The following EBF1 variants were observed in gnomAD, a reference collection of about 807,000 sequenced individuals.
EBF1 encodes EBF transcription factor 1.
A neutral mutation model predicts 68.4 loss-of-function variants in EBF1; 10 were observed. The observed-to-expected ratio is 0.15, with a 90% CI of 0.09 to 0.25. The LOEUF (loss-of-function observed/expected upper bound fraction) is 0.25. Among genes scored for constraint, EBF1 ranks in the 10% least tolerant of loss-of-function variants. The pLI is 1.00. For synonymous variants in EBF1, 298 were observed against 299.8 expected, an observed-to-expected ratio of 0.99 and a Z score of 0.06; for missense variants, 509 against 794.4, an observed-to-expected ratio of 0.64 and a Z score of 4.32.
At chr5:158,806,839 A>G (rs1781677187) in intron 8 of EBF1, among the ~76,000 whole-genome samples, 1 of 152,158 alleles carries the variant, frequency 6.6e-6, no homozygotes, top group South Asian at 2.1e-4. Context: ...CCTACTGTCT[A>G]TCTTCCACAT....
At chr5:158,815,748 T>A (rs946242284) in intron 8 of EBF1, among the ~76,000 whole-genome samples, 1 of 152,182 alleles carries the variant, frequency 6.6e-6, no homozygotes, top group Non-Finnish European at 1.5e-5. Flanking sequence ...GTGTTAGGAT[T>A]TCCGGTGTTA....
intron 10 of EBF1, among the ~76,000 whole-genome samples, chr5:158,732,372 T>C (rs1764276184): frequency 6.6e-6 from 1 of 152,232 alleles, no homozygotes; most frequent in African/African-American, 2.4e-5. Context: ...GCAATTTGTA[T>C]ACCAACCCAA....
At chr5:158,881,522 C>T (rs186056332) in intron 6 of EBF1, among the ~76,000 whole-genome samples, 61 of 152,298 alleles carry the variant, frequency 4.0e-4, no homozygotes, top group Admixed American at 3.1e-3. Context: ...CTTTTGTTTA[C>T]GATCTGCTGC....
At chr5:158,910,965 T>A (rs1311228005) in intron 6 of EBF1, among the ~76,000 whole-genome samples, 2 of 152,022 alleles carry the variant, frequency 1.3e-5, no homozygotes, top group Non-Finnish European at 2.9e-5. Context: ...GAAAAATAAA[T>A]CCCCTATATT....
At chr5:158,852,956 C>CA (rs1392205885) in intron 6 of EBF1, among the ~76,000 whole-genome samples, 4 of 152,050 alleles carry the variant, frequency 2.6e-5, no homozygotes, top group East Asian at 3.9e-4. Context: ...TGATCATTTA[C>CA]AAAAAAATGC....
At chr5:158,735,605 T>G (rs189128682) in intron 10 of EBF1, among the ~76,000 whole-genome samples, 12 of 152,302 alleles carry the variant, frequency 7.9e-5, no homozygotes, top group Admixed American at 6.5e-4. Flanking sequence ...TATGATGTGA[T>G]ACTGGGGAAT....
At chr5:158,719,856 A>T (rs1183814307) in intron 11 of EBF1, among the ~76,000 whole-genome samples, 1 of 152,168 alleles carries the variant, frequency 6.6e-6, no homozygotes, top group African/African-American at 2.4e-5. Flanking sequence ...TTCAGAGGAT[A>T]ATCTGTGCTT....
At chr5:158,900,023 G>T (rs1802963622) in intron 6 of EBF1, among the ~76,000 whole-genome samples, 1 of 152,134 alleles carries the variant, frequency 6.6e-6, no homozygotes, top group Non-Finnish European at 1.5e-5. Flanking sequence ...GCAGCATCTG[G>T]CCCTCTGGCA....
intron 10 of EBF1, among the ~76,000 whole-genome samples, chr5:158,755,205 G>A (rs772036383): frequency 2.0e-5 from 3 of 151,406 alleles, no homozygotes; most frequent in African/African-American, 4.9e-5. Context: ...ACTGCCCATT[G>A]CCCAATTTTA....
rs747988096 is a variant in EBF1, at chr5:158,840,122, C to A, written c.555-12G>T. The stretch of plus-strand genomic sequence containing the variant: ...ATTTCAAGAAGAACCTGTGAAGAAA[C>A]AAATCATCATGGTTAGCATTTCGGT... On this transcript the variant is annotated splice_polypyrimidine_tract_variant and intron_variant, in intron 6 of 15. Coordinates refer to ENST00000313708, the MANE Select transcript of EBF1 (RefSeq NM_024007.5). 5.0e-6 allele frequency: 8 copies of A among 1,607,846 alleles called. No individual in the cohort carries two copies. In the African/African-American group the frequency reaches 1.1e-4, roughly 22 times the overall value.
In EBF1 at chr5:158,777,670, G is replaced by A. The variant is rs954992572; in HGVS notation, c.910-131C>T. ...GTCTATGTTTAAATCCAATCTTGAT[G>A]GAACCTGCGTGAAAGACACTGACAA... On this transcript the variant is annotated intron_variant, in intron 9 of 15. Transcript: ENST00000313708. The A allele has an allele frequency of 1.4e-5, 13 of 909,160 alleles. 1 individual carries two copies. The highest frequency in any genetic ancestry group is 1.9e-5 in the Non-Finnish European group (12 of 643,766). The allele number at this position is 909,160 out of a possible 1,614,324, so 56.3% of individuals were successfully genotyped here. A position where few individuals can be genotyped will look rare whatever the true frequency, so the allele number is the denominator to read the frequency against.
intron 6 of EBF1, among the ~76,000 whole-genome samples, chr5:158,888,762 A>G (rs1044518358): frequency 1.3e-5 from 2 of 152,026 alleles, no homozygotes; most frequent in African/African-American, 4.8e-5. Flanking sequence ...CATCCCTCCC[A>G]TAATGCAATT....
intron 8 of EBF1, among the ~76,000 whole-genome samples, chr5:158,805,956 C>G (rs1251406836): frequency 1.3e-5 from 2 of 151,810 alleles, no homozygotes; most frequent in Non-Finnish European, 2.9e-5. Context: ...TTTAAGGAGG[C>G]ATGTTTTTTT....
chr5:159,040,511 A>T (rs1218330577), intron 6 of EBF1, among the ~76,000 whole-genome samples: 1 of 152,150 alleles, frequency 6.6e-6, no homozygotes, highest in East Asian at 1.9e-4. Context: ...CTGAAGCCAC[A>T]CTCATGTCCA....
intron 6 of EBF1, among the ~76,000 whole-genome samples, chr5:159,007,717 C>T (rs1479808708): frequency 6.6e-6 from 1 of 152,178 alleles, no homozygotes; most frequent in East Asian, 1.9e-4. Flanking sequence ...CTGAAAGAAG[C>T]ATTCATACCT....
chr5:158,971,159 G>A (rs1264845796), intron 6 of EBF1, among the ~76,000 whole-genome samples: 1 of 152,208 alleles, frequency 6.6e-6, no homozygotes, highest in East Asian at 1.9e-4. Context: ...ATCTGGGCAC[G>A]CCCATCTGTA....
At chr5:159,078,551 AG>A (rs1779208156) in intron 5 of EBF1, among the ~76,000 whole-genome samples, 2 of 152,236 alleles carry the variant, frequency 1.3e-5, no homozygotes, top group South Asian at 4.1e-4. Context: ...GCACTGTACC[AG>A]GCACAGACTT....
At chr5:158,969,890 AAG>A (rs1755118956) in intron 6 of EBF1, among the ~76,000 whole-genome samples, 1 of 112,466 alleles carries the variant, frequency 8.9e-6, no homozygotes, top group Middle Eastern at 3.8e-3. Context: ...GAAAGAAAGA[AAG>A]AAAGAAAGAA....
intron 6 of EBF1, among the ~76,000 whole-genome samples, chr5:158,880,416 T>C (rs1353938158): frequency 1.3e-5 from 2 of 152,188 alleles, no homozygotes; most frequent in Non-Finnish European, 2.9e-5. Flanking sequence ...GAAAAATTTA[T>C]TCTCAATCTG....
Sources: gnomAD v4.1 joint callset for allele counts (sites outside exome capture counted in the v4.1 genomes callset) on GRCh38, gnomAD v4.1.1 for gene constraint, MANE v1.5 for transcripts, NCBI Gene and HGNC (gene_info 2026-07-23, HGNC 2026-07-21) for gene names.